Variants in LRRC3B observed in about 807,000 individuals in gnomAD.
LRRC3B encodes leucine-rich repeat-containing protein 3B.
In LRRC3B, 2 loss-of-function variants were observed where a neutral mutation model predicts 12.8. The observed-to-expected ratio is 0.16, with a 90% CI of 0.06 to 0.49. LRRC3B has a LOEUF of 0.49. Among genes scored for constraint, LRRC3B ranks in the 20% least tolerant of loss-of-function variants. The pLI, the probability that LRRC3B is intolerant of heterozygous loss-of-function variation, is 0.96. For synonymous variants in LRRC3B, 132 were observed against 122.0 expected (o/e 1.08, Z -0.54); for missense variants, 189 against 319.4 (o/e 0.59, Z 3.11).
At chr3:26,630,348 G>A (rs776168064) in intron 1 of LRRC3B, among the ~76,000 whole-genome samples, 14 of 152,136 alleles carry the variant, frequency 9.2e-5, no homozygotes, top group African/African-American at 1.9e-4. Context: ...CAAAGCCTGC[G>A]GGCCCTGGAA....
chr3:26,664,364 C>T (rs1253256796), intron 1 of LRRC3B, among the ~76,000 whole-genome samples: 1 of 151,952 alleles, frequency 6.6e-6, no homozygotes, highest in African/African-American at 2.4e-5. Context: ...TGTCTGTCCC[C>T]CCACCCCCAC....
intron 1 of LRRC3B, among the ~76,000 whole-genome samples, chr3:26,636,086 T>C (rs73821154): frequency 0.025 from 3,812 of 152,266 alleles, 179 homozygotes; most frequent in African/African-American, 0.087. Flanking sequence ...TGCTTTCCTA[T>C]TTACCCAGGA....
intron 1 of LRRC3B, among the ~76,000 whole-genome samples, chr3:26,652,500 G>C (rs1699285154): frequency 6.6e-6 from 1 of 152,202 alleles, no homozygotes; most frequent in Admixed American, 6.5e-5. Context: ...TAGTAGAACA[G>C]AGTCAGCTCA....
At chr3:26,656,607 A>G (rs1227105289) in intron 1 of LRRC3B, among the ~76,000 whole-genome samples, 5 of 152,220 alleles carry the variant, frequency 3.3e-5, no homozygotes, top group African/African-American at 9.7e-5. Context: ...CAAGAGAGGC[A>G]GTGGAATGTT....
intron 1 of LRRC3B, among the ~76,000 whole-genome samples, chr3:26,636,819 TCCC>T (rs1698884309): frequency 7.0e-5 from 2 of 28,480 alleles, no homozygotes; most frequent in Non-Finnish European, 1.2e-4. Flanking sequence ...CCTCCCTCCC[TCCC>T]TCCCTCCCTC....
chr3:26,692,047 T>C (rs1275122068), intron 1 of LRRC3B, among the ~76,000 whole-genome samples: 2 of 152,230 alleles, frequency 1.3e-5, no homozygotes, highest in Non-Finnish European at 2.9e-5. Flanking sequence ...CTAAGATGAC[T>C]ATATGCCACA....
At chr3:26,647,341 T>C (rs563322124) in intron 1 of LRRC3B, among the ~76,000 whole-genome samples, 1 of 152,128 alleles carries the variant, frequency 6.6e-6, no homozygotes, top group Non-Finnish European at 1.5e-5. Context: ...AACCCAGAGA[T>C]CCTGGGAGCA....
intron 1 of LRRC3B, among the ~76,000 whole-genome samples, chr3:26,684,939 TTTATTTTATTTTA>T (rs998507190): frequency 7.2e-5 from 3 of 41,578 alleles, no homozygotes; most frequent in African/African-American, 9.7e-4. Flanking sequence ...CACAGGTTTC[TTTATTTTATTTTA>T]TTTTATTTTA....
intron 1 of LRRC3B, among the ~76,000 whole-genome samples, chr3:26,691,019 TTACA>T (rs1323957291): frequency 2.0e-5 from 3 of 147,186 alleles, no homozygotes; most frequent in African/African-American, 7.5e-5. Flanking sequence ...TTTTATATAC[TTACA>T]TATATATATA....
intron 1 of LRRC3B, among the ~76,000 whole-genome samples, chr3:26,678,223 G>A (rs1335200243): frequency 6.6e-6 from 1 of 152,012 alleles, no homozygotes; most frequent in Non-Finnish European, 1.5e-5. Flanking sequence ...ACTGGGTGCG[G>A]TGGATCATGC....
Position 26,663,734 on chromosome 3 carries a change from T to A in LRRC3B, c.-161+40497T>A, listed in dbSNP as rs115086437. On this transcript the variant is annotated intron_variant, in intron 1 of 1. Transcript: ENST00000396641. ...GTTATGACTAAGTTAATTGTATCAC[T>A]CAAGCCAGAAATCTGGATTTGTCCT... Among the ~76,000 whole-genome samples the A allele has an allele frequency of 4.0e-3, 610 of 152,264 alleles. 4 individuals are homozygous for A. Among genetic ancestry groups the A allele is most frequent in the African/African-American group, 0.014 (583 of 41,568 alleles).
At chr3:26,652,425 G>C (rs537767091) in intron 1 of LRRC3B, among the ~76,000 whole-genome samples, 1 of 152,150 alleles carries the variant, frequency 6.6e-6, no homozygotes, top group East Asian at 1.9e-4. Flanking sequence ...GAAGTGGGGC[G>C]GAAGAAAGAA....
At chr3:26,691,988 G>A (rs960877723) in intron 1 of LRRC3B, among the ~76,000 whole-genome samples, 2 of 152,182 alleles carry the variant, frequency 1.3e-5, no homozygotes, top group Non-Finnish European at 2.9e-5. Context: ...GAGCTTCTGA[G>A]AGCTGCAGAG....
chr3:26,695,208 T>TATTTAGATTAATTCTATTATTTTTTAAA (rs1575170455), intron 1 of LRRC3B, among the ~76,000 whole-genome samples: 1 of 152,312 alleles, frequency 6.6e-6, no homozygotes, highest in East Asian at 1.9e-4. Context: ...TTATGACAAA[T>TATTTAGATTAATTCTATTATTTTTTAAA]ATTTAGATTA....
chr3:26,677,354 G>A (rs1699881768), intron 1 of LRRC3B, among the ~76,000 whole-genome samples: 1 of 152,086 alleles, frequency 6.6e-6, no homozygotes, highest in African/African-American at 2.4e-5. Flanking sequence ...TTCATACCAG[G>A]GTGAACCTAA....
chr3:26,638,340 A>C (rs556359670), intron 1 of LRRC3B, among the ~76,000 whole-genome samples: 1 of 152,206 alleles, frequency 6.6e-6, no homozygotes, highest in South Asian at 2.1e-4. Context: ...CATAGGTACT[A>C]TAAAGGTAGT....
intron 1 of LRRC3B, among the ~76,000 whole-genome samples, chr3:26,691,135 G>A (rs1194684001): frequency 8.2e-5 from 3 of 36,760 alleles, no homozygotes; most frequent in East Asian, 2.0e-3. Context: ...ATATATATAT[G>A]AGACAGGATA....
intron 1 of LRRC3B, among the ~76,000 whole-genome samples, chr3:26,682,966 G>A (rs1700000974): frequency 6.6e-6 from 1 of 152,160 alleles, no homozygotes. Flanking sequence ...CAGCATGTAA[G>A]AATGACACAC....
At chr3:26,708,026 T>G (rs778125747) in intron 1 of LRRC3B, among the ~76,000 whole-genome samples, 1 of 152,240 alleles carries the variant, frequency 6.6e-6, no homozygotes, top group Non-Finnish European at 1.5e-5. Flanking sequence ...ACAATCCAGA[T>G]CATTATGTTT....
Sources: gnomAD v4.1 joint callset for allele counts (sites outside exome capture counted in the v4.1 genomes callset) on GRCh38, gnomAD v4.1.1 for gene constraint, MANE v1.5 for transcripts, NCBI Gene and HGNC (gene_info 2026-07-23, HGNC 2026-07-21) for gene names.